ABTB3: variants seen among roughly 807,000 people sequenced by gnomAD.
ABTB3 encodes ankyrin repeat- and BTB/POZ domain-containing protein 3.
chr12:107,590,440 G>A, the ABTB3 span, among the ~76,000 whole-genome samples: 1 of 152,180 alleles, frequency 6.6e-6, no homozygotes, highest in Non-Finnish European at 1.5e-5. Flanking sequence ...AGTCATAGAA[G>A]AGCCCAGAGA....
chr12:107,475,359 C>T, the ABTB3 span, among the ~76,000 whole-genome samples: 4 of 152,162 alleles, frequency 2.6e-5, no homozygotes, highest in East Asian at 1.9e-4. Context: ...AAAGAGGTAA[C>T]GGGCATGAGA....
the ABTB3 span, among the ~76,000 whole-genome samples, chr12:107,364,334 G>T: frequency 6.6e-6 from 1 of 151,396 alleles, no homozygotes; most frequent in Non-Finnish European, 1.5e-5. Flanking sequence ...TGTCCCCCAG[G>T]CTGGAGTGCA....
chr12:107,560,050 A>G, the ABTB3 span, among the ~76,000 whole-genome samples: 1 of 152,040 alleles, frequency 6.6e-6, no homozygotes, highest in Non-Finnish European at 1.5e-5. Context: ...TGTATATATA[A>G]TTTTGTGTCT....
chr12:107,630,302 G>A, the ABTB3 span, among the ~76,000 whole-genome samples: 1 of 152,162 alleles, frequency 6.6e-6, no homozygotes, highest in African/African-American at 2.4e-5. Context: ...ATGAATGAAT[G>A]AATGAGTGAA....
chr12:107,605,978 G>A, the ABTB3 span, among the ~76,000 whole-genome samples: 1 of 152,158 alleles, frequency 6.6e-6, no homozygotes, highest in Non-Finnish European at 1.5e-5. Context: ...TTAGAGGGAG[G>A]GGATAGGTGT....
chr12:107,615,590 G>A, the ABTB3 span, among the ~76,000 whole-genome samples: 1 of 152,218 alleles, frequency 6.6e-6, no homozygotes, highest in Non-Finnish European at 1.5e-5. Context: ...AAGCATCCAA[G>A]ACATCAAGGG....
the ABTB3 span, chr12:107,520,757 C>T: frequency 1.6e-6 from 2 of 1,270,290 alleles, no homozygotes; most frequent in South Asian, 1.4e-5. Context: ...CGGGGTGACA[C>T]CTTTTATTGA....
the ABTB3 span, among the ~76,000 whole-genome samples, chr12:107,345,188 T>G: frequency 6.6e-6 from 1 of 152,102 alleles, no homozygotes; most frequent in East Asian, 1.9e-4. Flanking sequence ...AAACATGAAA[T>G]ATAAGATCAT....
At chr12:107,410,611 G>A in the ABTB3 span, among the ~76,000 whole-genome samples, 3 of 152,198 alleles carry the variant, frequency 2.0e-5, no homozygotes, top group African/African-American at 7.2e-5. Flanking sequence ...GACCAAGGCA[G>A]TAGCAGTGGA....
the ABTB3 span, among the ~76,000 whole-genome samples, chr12:107,462,963 AATAGTGGTG>A: frequency 2.0e-5 from 3 of 148,886 alleles, no homozygotes. Context: ...CAGTGATGAT[AATAGTGGTG>A]ATAGTGATGA....
At chr12:107,505,613 A>G in the ABTB3 span, among the ~76,000 whole-genome samples, 3 of 151,594 alleles carry the variant, frequency 2.0e-5, no homozygotes, top group Non-Finnish European at 4.4e-5. Context: ...GGGTTGTAGT[A>G]CAGATTATTT....
At chr12:107,528,282 T>C in the ABTB3 span, among the ~76,000 whole-genome samples, 812 of 152,326 alleles carry the variant, frequency 5.3e-3, 5 homozygotes, top group Non-Finnish European at 8.3e-3. Flanking sequence ...CACCTTCTAA[T>C]TTAAATTGCA....
chr12:107,447,982 T>C, the ABTB3 span, among the ~76,000 whole-genome samples: 1 of 152,200 alleles, frequency 6.6e-6, no homozygotes, highest in African/African-American at 2.4e-5. Flanking sequence ...AGGAGTTGCA[T>C]GGGCTGAGAT....
chr12:107,630,315 T>C, the ABTB3 span, among the ~76,000 whole-genome samples: 2 of 152,188 alleles, frequency 1.3e-5, no homozygotes, highest in African/African-American at 4.8e-5. Context: ...TGAGTGAATA[T>C]GTAGCTTAGT....
At chr12:107,526,568 C>T in the ABTB3 span, among the ~76,000 whole-genome samples, 2 of 152,078 alleles carry the variant, frequency 1.3e-5, no homozygotes, top group Admixed American at 1.3e-4. Flanking sequence ...CTCAGCCTTG[C>T]CCCCAAGCTC....
chr12:107,320,087 C>G, the ABTB3 span: 6 of 1,440,996 alleles, frequency 4.2e-6, no homozygotes, highest in South Asian at 8.0e-5. Flanking sequence ...TAAGTGTCTG[C>G]GCGGGTGCCA....
the ABTB3 span, among the ~76,000 whole-genome samples, chr12:107,553,370 G>A: frequency 6.6e-6 from 1 of 152,172 alleles, no homozygotes; most frequent in African/African-American, 2.4e-5. Flanking sequence ...TTACAGATGA[G>A]GAAACTGAGA....
chr12:107,384,198 C>T, the ABTB3 span, among the ~76,000 whole-genome samples: 1,472 of 151,706 alleles, frequency 9.7e-3, 35 homozygotes, highest in African/African-American at 0.034. Flanking sequence ...GTGTGTGATT[C>T]TCAACATCCA....
At chr12:107,334,542 G>A in the ABTB3 span, among the ~76,000 whole-genome samples, 1 of 152,156 alleles carries the variant, frequency 6.6e-6, no homozygotes, top group African/African-American at 2.4e-5. Flanking sequence ...CTCCAGCTTG[G>A]GACATGCAAA....
Sources: gnomAD v4.1 joint callset for allele counts (sites outside exome capture counted in the v4.1 genomes callset) on GRCh38, gnomAD v4.1.1 for gene constraint, MANE v1.5 for transcripts, NCBI Gene and HGNC (gene_info 2026-07-23, HGNC 2026-07-21) for gene names.